Variants in IGSF11 observed in about 807,000 individuals in gnomAD.
IGSF11 encodes the protein CXADR like 1.
IGSF11 carries 22 observed loss-of-function variants against 41.0 expected under a neutral mutation model. The ratio of observed to expected loss-of-function variants is 0.54; its 90% confidence interval spans 0.38 to 0.77. The LOEUF is 0.77. Ranked by LOEUF, IGSF11 falls within the 30% of genes least tolerant of loss-of-function variation. The pLI is 0.00. For missense variants in IGSF11, 444 were observed against 530.8 expected, an observed-to-expected ratio of 0.84 and a Z score of 1.61; for synonymous variants, 219 against 201.3, an observed-to-expected ratio of 1.09 and a Z score of -0.74.
At chr3:119,135,447 C>A (rs1206357551) in intron 1 of IGSF11, among the ~76,000 whole-genome samples, 1 of 152,102 alleles carries the variant, frequency 6.6e-6, no homozygotes, top group Non-Finnish European at 1.5e-5. Context: ...ATGCAGCCAA[C>A]AGACACATGA....
At chr3:119,132,527 C>G (rs1349651959) in intron 1 of IGSF11, among the ~76,000 whole-genome samples, 2 of 152,060 alleles carry the variant, frequency 1.3e-5, no homozygotes, top group Non-Finnish European at 2.9e-5. Context: ...AGCTAACTAT[C>G]CTAAATAGAT....
Position 119,138,163 on chromosome 3 carries a change from A to C in IGSF11, c.-14+7650T>G, listed in dbSNP as rs754076976. Among the ~76,000 whole-genome samples the C allele has an allele frequency of 3.2e-3, 488 of 151,504 alleles. 5 individuals are homozygous for C. The highest frequency in any genetic ancestry group is 0.023 in the East Asian group (118 of 5,166). On this transcript the variant is annotated intron_variant, in intron 1 of 7. Coordinates refer to the IGSF11 transcript ENST00000425327. ...AAAGTTTGGAGGTTCCTCAACAAAA[A>C]AAAAAAAAAAAACTAAAAATTGAGC... is the stretch of plus-strand genomic sequence containing the variant.
intron 1 of IGSF11, among the ~76,000 whole-genome samples, chr3:119,117,223 G>C (rs573667212): frequency 6.6e-6 from 1 of 151,872 alleles, no homozygotes; most frequent in South Asian, 2.1e-4. Context: ...ACTCAATCTT[G>C]GTAAGATGGG....
intron 4 of IGSF11, among the ~76,000 whole-genome samples, chr3:118,914,982 C>G (rs1367660672): frequency 7.0e-6 from 1 of 142,796 alleles, no homozygotes; most frequent in Admixed American, 6.9e-5. Context: ...GGAGGCACCC[C>G]CCAGCAGGGG....
chr3:119,133,839 C>T (rs1415841312), intron 1 of IGSF11, among the ~76,000 whole-genome samples: 3 of 152,138 alleles, frequency 2.0e-5, no homozygotes, highest in Non-Finnish European at 4.4e-5. Context: ...ACTGGCAAAC[C>T]GAATCCAGCA....
At chr3:118,911,802 C>T (rs1347252607) in intron 4 of IGSF11, among the ~76,000 whole-genome samples, 1 of 151,972 alleles carries the variant, frequency 6.6e-6, no homozygotes, top group Admixed American at 6.5e-5. Context: ...AATTTTAGTC[C>T]TTCCTATCAG....
At chr3:119,091,997 G>GAGC (rs1163879890) in intron 1 of IGSF11, among the ~76,000 whole-genome samples, 1 of 146,544 alleles carries the variant, frequency 6.8e-6, no homozygotes, top group Non-Finnish European at 1.5e-5. Flanking sequence ...TTTTTTTGGG[G>GAGC]GGGGGGGGTT....
At chr3:118,987,955 A>G (rs1935422403) in intron 1 of IGSF11, among the ~76,000 whole-genome samples, 1 of 152,164 alleles carries the variant, frequency 6.6e-6, no homozygotes, top group Non-Finnish European at 1.5e-5. Flanking sequence ...ACAACCTTAA[A>G]CAGTTCTGTA....
chr3:118,938,054 T>C (rs1165410999), intron 1 of IGSF11, among the ~76,000 whole-genome samples: 4 of 152,126 alleles, frequency 2.6e-5, no homozygotes, highest in African/African-American at 7.2e-5. Context: ...TGTGTGTGTG[T>C]GTGTGTGTAC....
chr3:118,911,439 C>T (rs912349497), intron 4 of IGSF11, among the ~76,000 whole-genome samples: 3 of 152,046 alleles, frequency 2.0e-5, no homozygotes, highest in South Asian at 2.1e-4. Flanking sequence ...AATCAGGCTG[C>T]GTGTGGTGGC....
intron 1 of IGSF11, among the ~76,000 whole-genome samples, chr3:118,968,995 C>T (rs916902482): frequency 6.6e-6 from 1 of 152,148 alleles, no homozygotes; most frequent in Non-Finnish European, 1.5e-5. Context: ...ATGGCTTCCA[C>T]CCCATTAATT....
intron 1 of IGSF11, among the ~76,000 whole-genome samples, chr3:119,110,235 G>T (rs1483888661): frequency 6.6e-6 from 1 of 151,956 alleles, no homozygotes; most frequent in Non-Finnish European, 1.5e-5. Flanking sequence ...AAGTCTCTTT[G>T]TAGGTCACTC....
chr3:119,037,413 T>G (rs1940957364), upstream of IGSF11, among the ~76,000 whole-genome samples: 1 of 152,110 alleles, frequency 6.6e-6, no homozygotes, highest in African/African-American at 2.4e-5. Flanking sequence ...TGTACTTGCC[T>G]CCTAAAGATT....
intron 1 of IGSF11, among the ~76,000 whole-genome samples, chr3:119,118,511 C>T (rs981649964): frequency 3.9e-5 from 6 of 152,224 alleles, no homozygotes; most frequent in African/African-American, 7.2e-5. Flanking sequence ...GCTCAGCCCA[C>T]AAAATCATTT....
chr3:119,119,740 C>A (rs1008549354), intron 1 of IGSF11, among the ~76,000 whole-genome samples: 1 of 152,116 alleles, frequency 6.6e-6, no homozygotes. Context: ...CACTCTGGTT[C>A]TCCTCAGAAC....
At chr3:118,980,624 G>A (rs930974837) in intron 1 of IGSF11, among the ~76,000 whole-genome samples, 67 of 152,256 alleles carry the variant, frequency 4.4e-4, no homozygotes, top group Admixed American at 5.2e-4. Context: ...GCAGAGTAGT[G>A]TGACTGCAAT....
At chr3:119,041,933 A>G (rs1941132516) in intron 1 of IGSF11, among the ~76,000 whole-genome samples, 1 of 152,220 alleles carries the variant, frequency 6.6e-6, no homozygotes. Context: ...TCATTTTATG[A>G]TGCTACCATT....
intron 1 of IGSF11, among the ~76,000 whole-genome samples, chr3:118,970,771 A>G (rs12487299): frequency 0.22 from 32,759 of 150,942 alleles, 4,431 homozygotes; most frequent in African/African-American, 0.36. Context: ...AAAAAACCAC[A>G]ACTAATTTTA....
chr3:119,090,285 A>G (rs2076742860), intron 1 of IGSF11, among the ~76,000 whole-genome samples: 1 of 152,220 alleles, frequency 6.6e-6, no homozygotes, highest in Non-Finnish European at 1.5e-5. Context: ...GGAAAAATCA[A>G]CATTGTAAAC....
Sources: allele counts gnomAD v4.1 joint callset (sites outside exome capture counted in the v4.1 genomes callset), GRCh38; gene constraint gnomAD v4.1.1; transcripts MANE v1.5; gene names NCBI Gene and HGNC (gene_info 2026-07-23, HGNC 2026-07-21).